Variants in POC1A observed in about 807,000 individuals in gnomAD.
POC1A encodes the protein POC1 centriolar protein A.
A neutral mutation model predicts 47.8 loss-of-function variants in POC1A; 34 were observed. The ratio of observed to expected loss-of-function variants is 0.71; its 90% CI spans 0.54 to 0.95. The LOEUF (loss-of-function observed/expected upper bound fraction) is 0.95. Among genes scored for constraint, POC1A ranks in the 40% least tolerant of loss-of-function variants. POC1A has a pLI of 0.00. For missense variants in POC1A, 466 were observed against 528.3 expected (o/e 0.88, Z 1.16); for synonymous variants, 177 against 207.6 (o/e 0.85, Z 1.27).
At chr3:52,098,173 CCTTT>C (rs1335047227) in intron 9 of POC1A, among the ~76,000 whole-genome samples, 2 of 152,208 alleles carry the variant, frequency 1.3e-5, no homozygotes, top group Non-Finnish European at 2.9e-5. Flanking sequence ...TACCAGCAGG[CCTTT>C]CTTAAGAAAT....
intron 6 of POC1A, among the ~76,000 whole-genome samples, chr3:52,138,796 G>A (rs1180789451): frequency 1.3e-5 from 2 of 152,224 alleles, no homozygotes; most frequent in African/African-American, 4.8e-5. Context: ...GAAGCAGTCA[G>A]GCCTGCATTC....
chr3:52,142,186 A>T (rs1698220556), intron 6 of POC1A, among the ~76,000 whole-genome samples: 1 of 152,240 alleles, frequency 6.6e-6, no homozygotes, highest in Admixed American at 6.5e-5. Flanking sequence ...TCACTGGATA[A>T]TGGACCTGCA....
At chr3:52,125,056 G>T in intron 8 of POC1A, 57 bp downstream of exon 8, 1 of 1,358,414 alleles carries the variant, frequency 7.4e-7, no homozygotes. Flanking sequence ...TTGGTTCTGA[G>T]CAGAAATCAG....
chr3:52,148,072 C>T (rs1242658888), intron 4 of POC1A, among the ~76,000 whole-genome samples: 2 of 152,286 alleles, frequency 1.3e-5, no homozygotes, highest in Non-Finnish European at 2.9e-5. Context: ...ATGCAGCCGA[C>T]TGCCTGCCGG....
At chr3:52,152,996 C>G (rs1698604992) in intron 1 of POC1A, among the ~76,000 whole-genome samples, 1 of 152,016 alleles carries the variant, frequency 6.6e-6, no homozygotes, top group Admixed American at 6.6e-5. Context: ...ATTAGTTTGC[C>G]AAGGGTTGGG....
rs2107207286 is a variant in POC1A, at chr3:52,149,884, G to A, written c.207C>T (p.Phe69=). Residue 69 remains phenylalanine, a synonymous_variant, in exon 3 of 11, where the codon TTC becomes TTT. Transcript: ENST00000296484. ...GHKDAVTCVN[F]SPSGHLLASG... is the part of the protein sequence containing the mutation. ...AAGCAAGCAGGTGTCCCGAAGGAGA[G>A]AAGTTCACACAGGTGACGGCATCCT... is the stretch of plus-strand genomic sequence containing the variant. 6.2e-7 allele frequency: 1 copy of A among 1,614,032 alleles called. No homozygotes were observed. The highest frequency in any genetic ancestry group is 8.5e-7 in the Non-Finnish European group (1 of 1,180,040).
intron 9 of POC1A, among the ~76,000 whole-genome samples, chr3:52,111,349 T>G (rs536900851): frequency 2.1e-4 from 32 of 152,294 alleles, no homozygotes; most frequent in African/African-American, 7.5e-4. Context: ...GAGGCACCTC[T>G]TCAAGAGGCT....
In POC1A at chr3:52,092,250, C is replaced by A. The variant is rs188072291; in HGVS notation, c.1125+4319G>T. Among the ~76,000 whole-genome samples the A allele has an allele frequency of 1.3e-3, 198 of 152,358 alleles. 2 individuals carry two copies. Among genetic ancestry groups the A allele is most frequent in the South Asian group, 3.1e-3 (15 of 4,834 alleles). On this transcript the variant is annotated intron_variant, in intron 10 of 10. Coordinates refer to ENST00000296484, the MANE Select transcript of POC1A (RefSeq NM_015426.5). ...TGGCTGGTGACCTAAGGGACTCGGC[C>A]TGCTGGGCTCTCTGATCACAGAGCC...
chr3:52,101,755 T>G (rs886430967), intron 9 of POC1A, among the ~76,000 whole-genome samples: 2 of 152,164 alleles, frequency 1.3e-5, no homozygotes, highest in African/African-American at 4.8e-5. Flanking sequence ...CTCTAACACA[T>G]GGACAATTGG....
At chr3:52,131,834 G>C (rs745621685) in intron 7 of POC1A, among the ~76,000 whole-genome samples, 5 of 152,124 alleles carry the variant, frequency 3.3e-5, no homozygotes, top group Non-Finnish European at 7.4e-5. Context: ...AGATTCCGAA[G>C]GTGCACAGGA....
intron 6 of POC1A, among the ~76,000 whole-genome samples, chr3:52,140,244 C>T (rs983165799): frequency 1.8e-4 from 27 of 152,180 alleles, no homozygotes; most frequent in African/African-American, 5.8e-4. Context: ...CAAGGCTTTA[C>T]GTAACATGAT....
intron 9 of POC1A, 99 bp from the exon 10 acceptor site, chr3:52,096,811 G>T: frequency 9.0e-7 from 1 of 1,110,182 alleles, no homozygotes; most frequent in Non-Finnish European, 1.2e-6. Context: ...AAAACCACCA[G>T]CAAATTTGAG....
At chr3:52,134,993 A>C (rs1460511488) in intron 7 of POC1A, among the ~76,000 whole-genome samples, 1 of 152,120 alleles carries the variant, frequency 6.6e-6, no homozygotes, top group Non-Finnish European at 1.5e-5. Context: ...CCCAGAACAG[A>C]ATGTGAAAGA....
chr3:52,143,070 G>C (rs576345476), intron 6 of POC1A, among the ~76,000 whole-genome samples: 35 of 152,202 alleles, frequency 2.3e-4, no homozygotes, highest in Non-Finnish European at 4.3e-4. Flanking sequence ...GGGAGCTCAG[G>C]GGGAACCGGC....
chr3:52,131,763 C>A (rs1008084060), intron 7 of POC1A, among the ~76,000 whole-genome samples: 3 of 152,148 alleles, frequency 2.0e-5, no homozygotes, highest in African/African-American at 7.2e-5. Flanking sequence ...GAAGCCAAAG[C>A]AAAATGTTCT....
In POC1A at chr3:52,107,301, A is replaced by G. The variant is rs1007233698; in HGVS notation, c.982-10589T>C. On this transcript the variant is annotated intron_variant, in intron 9 of 10. Transcript: ENST00000296484. ...GGTGGAGCCGGTTTTAGGAACACAG[A>G]GGGGGAGGACTGCATGGTGGAGGCT... Among the ~76,000 whole-genome samples, 3 of 152,276 alleles carry G rather than the reference A, an allele frequency of 2.0e-5. No homozygotes were observed. The East Asian group carries it at 5.8e-4, about 29-fold the overall frequency.
rs543243734 is a variant in POC1A, at chr3:52,124,516, T to C, written c.882+597A>G. ...CTGAAAATGCTGACCCCTCAAACAG[T>C]GTCCAAGGGGGCTGGGAGCAAAGAG... On this transcript the variant is annotated intron_variant, in intron 8 of 10. Coordinates refer to ENST00000296484, the MANE Select transcript of POC1A (RefSeq NM_015426.5). Among the ~76,000 whole-genome samples, 85 of 152,288 alleles carry C rather than the reference T, an allele frequency of 5.6e-4. 1 individual carries two copies. The highest frequency in any genetic ancestry group is 3.4e-3 in the Middle Eastern group (1 of 294).
At chr3:52,100,612 G>A (rs1410241400) in intron 9 of POC1A, among the ~76,000 whole-genome samples, 1 of 152,174 alleles carries the variant, frequency 6.6e-6, no homozygotes, top group Non-Finnish European at 1.5e-5. Flanking sequence ...CCATACGAGT[G>A]GGTAAGTTAC....
chr3:52,151,187 G>C (rs559818876), intron 1 of POC1A, 87 bp from the exon 2 acceptor site: 12 of 1,583,580 alleles, frequency 7.6e-6, no homozygotes, highest in Non-Finnish European at 9.4e-6. Flanking sequence ...ACAGCCGGGG[G>C]AGTAGGGTTA....
Sources: gnomAD v4.1 joint callset for allele counts (sites outside exome capture counted in the v4.1 genomes callset) on GRCh38, gnomAD v4.1.1 for gene constraint, MANE v1.5 for transcripts, NCBI Gene and HGNC (gene_info 2026-07-23, HGNC 2026-07-21) for gene names.